AGR3: variants seen among roughly 807,000 people sequenced by gnomAD.
AGR3 encodes anterior gradient protein 3.
A neutral mutation model predicts 24.5 loss-of-function variants in AGR3; 37 were observed. That is an observed-to-expected ratio of 1.51 (90% confidence interval 1.16 to 1.99). AGR3 has a LOEUF of 1.99. Ranked by LOEUF, AGR3 falls within the 30% of genes most tolerant of loss-of-function variation. AGR3 has a pLI of 0.00. For missense variants in AGR3, 228 were observed against 191.1 expected (o/e 1.19, Z -1.14); for synonymous variants, 75 against 61.6 (o/e 1.22, Z -1.02).
At position 16,872,042 on chromosome 7, in the gene AGR3, A is replaced by AGATTCAATGC. The variant is rs145717971; in HGVS notation, c.173+1728_173+1737dup. Among the ~76,000 whole-genome samples the AGATTCAATGC allele has an allele frequency of 6.2e-3, 945 of 152,318 alleles. 12 individuals are homozygous for AGATTCAATGC. The highest frequency in any genetic ancestry group is 0.02 in the African/African-American group (822 of 41,556). ...GACCATACCACCAAAGGCAATCTACAGATTCAATGCAATCTCTATCAAAAT... is the reference window on the plus strand; with the variant it reads ...GACCATACCACCAAAGGCAATCTACAGATTCAATGCGATTCAATGCAATCTCTATCAAAAT... On this transcript the variant is annotated intron_variant, in intron 3 of 7. Coordinates refer to ENST00000310398, the MANE Select transcript of AGR3 (RefSeq NM_176813.5).
chr7:16,880,383 A>T (rs1299420295), intron 1 of AGR3, among the ~76,000 whole-genome samples: 1 of 150,032 alleles, frequency 6.7e-6, no homozygotes, highest in South Asian at 2.1e-4. Flanking sequence ...CTGATCTCAA[A>T]CTCCTGACCT....
intron 7 of AGR3, 40 bp from the exon 8 acceptor site, chr7:16,859,671 G>T (rs1488307067): frequency 1.5e-6 from 2 of 1,301,368 alleles, no homozygotes; most frequent in African/African-American, 1.5e-5. Flanking sequence ...ATTAATAAAT[G>T]AAAGTACAAA....
intron 3 of AGR3, among the ~76,000 whole-genome samples, chr7:16,863,185 T>C (rs1781683324): frequency 6.6e-6 from 1 of 152,246 alleles, no homozygotes; most frequent in Non-Finnish European, 1.5e-5. Context: ...TAGGTAATTC[T>C]TATGTACTCT....
At chr7:16,870,043 T>G (rs1387599635) in intron 3 of AGR3, among the ~76,000 whole-genome samples, 1 of 152,020 alleles carries the variant, frequency 6.6e-6, no homozygotes, top group East Asian at 1.9e-4. Flanking sequence ...TTTATGATGT[T>G]AAGTCTTTCT....
At chr7:16,856,810 CACAT>C (rs547223069), downstream of AGR3, among the ~76,000 whole-genome samples, 171 of 151,144 alleles carry the variant, frequency 1.1e-3, 3 homozygotes, top group South Asian at 0.028. Context: ...CATACACACA[CACAT>C]ACACACACAC....
At chr7:16,866,090 T>G (rs111790523) in intron 3 of AGR3, 29 of 590,458 alleles carry the variant, frequency 4.9e-5, no homozygotes, top group African/African-American at 4.5e-4. Context: ...CATATATCTG[T>G]TCTAAGGAAG....
At chr7:16,861,326 C>A in intron 6 of AGR3, 58 bp downstream of exon 6, 1 of 1,333,026 alleles carries the variant, frequency 7.5e-7, no homozygotes, top group East Asian at 2.5e-5. Flanking sequence ...AAAATAAAAG[C>A]AAGAATGCTG....
chr7:16,860,889 G>T (rs1202142410), intron 6 of AGR3, among the ~76,000 whole-genome samples: 1 of 152,098 alleles, frequency 6.6e-6, no homozygotes, highest in Non-Finnish European at 1.5e-5. Flanking sequence ...ATTTATATGT[G>T]TGAACATTCA....
At chr7:16,868,050 T>C (rs1781791095) in intron 3 of AGR3, among the ~76,000 whole-genome samples, 1 of 152,216 alleles carries the variant, frequency 6.6e-6, no homozygotes, top group African/African-American at 2.4e-5. Context: ...TTTTTGATAA[T>C]AGCCTTTCTA....
downstream of AGR3, among the ~76,000 whole-genome samples, chr7:16,856,084 T>A (rs1781552884): frequency 1.3e-5 from 2 of 152,212 alleles, no homozygotes; most frequent in Non-Finnish European, 2.9e-5. Context: ...TCTACTGATT[T>A]CACATTATTT....
chr7:16,864,545 G>A, intron 3 of AGR3: 1 of 1,354,928 alleles, frequency 7.4e-7, no homozygotes, highest in Middle Eastern at 1.9e-4. Flanking sequence ...TGTTGCTTCA[G>A]AGGGAGCCTT....
intron 3 of AGR3, among the ~76,000 whole-genome samples, chr7:16,863,255 G>GAAA (rs1781684533): frequency 6.6e-6 from 1 of 152,156 alleles, no homozygotes; most frequent in Non-Finnish European, 1.5e-5. Flanking sequence ...TATGAACAAT[G>GAAA]TATTCATTTC....
chr7:16,870,321 C>A (rs1004090866), intron 3 of AGR3, among the ~76,000 whole-genome samples: 22 of 151,922 alleles, frequency 1.4e-4, no homozygotes, highest in African/African-American at 4.6e-4. Context: ...TAGTTTTTCA[C>A]GTATATAAAT....
At chr7:16,872,323 T>C (rs1328784824) in intron 3 of AGR3, among the ~76,000 whole-genome samples, 2 of 152,194 alleles carry the variant, frequency 1.3e-5, no homozygotes, top group Non-Finnish European at 2.9e-5. Context: ...GTCAGCTGAT[T>C]TTTAACAAAG....
intron 3 of AGR3, chr7:16,866,213 G>A: frequency 1.9e-6 from 1 of 529,232 alleles, no homozygotes; most frequent in South Asian, 1.5e-5. Context: ...TAATAGTAGA[G>A]ATGTCTCTAT....
intron 4 of AGR3, 54 bp from the exon 5 acceptor site, chr7:16,862,114 T>C: frequency 1.5e-6 from 2 of 1,297,746 alleles, no homozygotes; most frequent in East Asian, 2.3e-5. Flanking sequence ...AGACCTTTAA[T>C]GTAACATAGC....
chr7:16,857,230 A>T (rs80093291), downstream of AGR3, among the ~76,000 whole-genome samples: 3 of 152,188 alleles, frequency 2.0e-5, no homozygotes, highest in Non-Finnish European at 4.4e-5. Context: ...TGGAATATTT[A>T]TATGTAAAAT....
rs188220840 is a variant in AGR3 at position 16,876,753 on chromosome 7, C to T, written c.109+1757G>A. Among the ~76,000 whole-genome samples the T allele has an allele frequency of 7.2e-5, 11 of 152,170 alleles. No individual in the cohort carries two copies. In the East Asian group the frequency reaches 1.9e-3, roughly 27 times the overall value. On this transcript the variant is annotated intron_variant, in intron 2 of 7. Transcript: ENST00000310398. ...TTCTTATCAATTGAAATAATAGAACCTTTAAGTTGTTTAAAATAGGGCATA... is the reference window on the plus strand; with the variant it reads ...TTCTTATCAATTGAAATAATAGAACTTTTAAGTTGTTTAAAATAGGGCATA...
intron 1 of AGR3, among the ~76,000 whole-genome samples, chr7:16,879,448 T>C (rs1417421940): frequency 6.6e-6 from 1 of 152,230 alleles, no homozygotes; most frequent in Non-Finnish European, 1.5e-5. Flanking sequence ...ACTTGATAAA[T>C]ATATTACAGG....
Sources: allele counts gnomAD v4.1 joint callset (sites outside exome capture counted in the v4.1 genomes callset), GRCh38; gene constraint gnomAD v4.1.1; transcripts MANE v1.5; gene names NCBI Gene and HGNC (gene_info 2026-07-23, HGNC 2026-07-21).